Variants in SSBP2 observed in about 807,000 individuals in gnomAD.
SSBP2 encodes the protein single stranded DNA binding protein 2.
Under a neutral mutation model 61.8 loss-of-function variants are expected in SSBP2, and 17 were observed. That is an observed-to-expected ratio of 0.28 (90% CI 0.19 to 0.41). SSBP2 has a LOEUF of 0.41. Ranked by LOEUF, SSBP2 falls within the 10% of genes least tolerant of loss-of-function variation. The pLI, the probability that SSBP2 is intolerant of heterozygous loss-of-function variation, is 1.00. For missense variants in SSBP2, 310 were observed against 458.7 expected (o/e 0.68, Z 2.96); for synonymous variants, 139 against 141.3 (o/e 0.98, Z 0.12).
At chr5:81,555,896 C>T (rs1772556105) in intron 4 of SSBP2, among the ~76,000 whole-genome samples, 1 of 151,800 alleles carries the variant, frequency 6.6e-6, no homozygotes, top group Admixed American at 6.6e-5. Flanking sequence ...CTTTATTATT[C>T]TAGAAAAGAG....
chr5:81,474,237 T>C (rs138282046), intron 7 of SSBP2, among the ~76,000 whole-genome samples: 2,021 of 152,294 alleles, frequency 0.013, 33 homozygotes, highest in South Asian at 0.097. Flanking sequence ...TTAGATGTTA[T>C]ATAAAAGGTT....
intron 4 of SSBP2, among the ~76,000 whole-genome samples, chr5:81,536,773 G>C (rs1163530111): frequency 2.6e-5 from 4 of 152,060 alleles, no homozygotes; most frequent in Admixed American, 1.3e-4. Flanking sequence ...TAAAAATATT[G>C]TACTTTGGGA....
intron 4 of SSBP2, among the ~76,000 whole-genome samples, chr5:81,559,797 C>A (rs911421155): frequency 6.6e-6 from 1 of 151,748 alleles, no homozygotes; most frequent in Non-Finnish European, 1.5e-5. Context: ...AAGCAACTGT[C>A]AAAATCTTAA....
chr5:81,634,556 T>C (rs954414626), intron 3 of SSBP2, among the ~76,000 whole-genome samples: 1 of 152,182 alleles, frequency 6.6e-6, no homozygotes, highest in Non-Finnish European at 1.5e-5. Flanking sequence ...TTTTACAGAG[T>C]TTTACTCTTT....
chr5:81,598,478 C>T (rs1419373515), intron 4 of SSBP2, among the ~76,000 whole-genome samples: 1 of 152,148 alleles, frequency 6.6e-6, no homozygotes, highest in Non-Finnish European at 1.5e-5. Flanking sequence ...CCAAAGAACC[C>T]ATAAGCACAA....
chr5:81,698,394 C>T (rs1753734585), intron 1 of SSBP2, among the ~76,000 whole-genome samples: 1 of 151,882 alleles, frequency 6.6e-6, no homozygotes, highest in African/African-American at 2.4e-5. Context: ...CAATATAGCA[C>T]AAAACAAAAA....
intron 10 of SSBP2, among the ~76,000 whole-genome samples, chr5:81,457,882 G>C (rs992150530): frequency 6.6e-6 from 1 of 151,990 alleles, no homozygotes; most frequent in Non-Finnish European, 1.5e-5. Flanking sequence ...GGCTGGTCTT[G>C]AACTTCTGAC....
At chr5:81,615,253 G>C (rs1464375137) in intron 4 of SSBP2, 1 of 430,462 alleles carries the variant, frequency 2.3e-6, no homozygotes, top group Non-Finnish European at 4.1e-6. Context: ...TTCTTTAATA[G>C]CTTAGAATTA....
At chr5:81,551,046 A>T (rs1180581238) in intron 4 of SSBP2, among the ~76,000 whole-genome samples, 1 of 147,494 alleles carries the variant, frequency 6.8e-6, no homozygotes, top group Non-Finnish European at 1.5e-5. Flanking sequence ...CAGCGAGCGG[A>T]GATCACACCA....
At chr5:81,662,720 G>A (rs955453011) in intron 1 of SSBP2, among the ~76,000 whole-genome samples, 4 of 151,986 alleles carry the variant, frequency 2.6e-5, no homozygotes, top group Admixed American at 6.6e-5. Flanking sequence ...ACAATTGCTT[G>A]AACCCTGGAG....
chr5:81,687,974 A>G (rs913580205), intron 1 of SSBP2, among the ~76,000 whole-genome samples: 1 of 152,148 alleles, frequency 6.6e-6, no homozygotes, highest in Non-Finnish European at 1.5e-5. Context: ...TGAGAAAACG[A>G]GAAGGAAGAC....
At chr5:81,726,740 C>T (rs910710845) in intron 1 of SSBP2, among the ~76,000 whole-genome samples, 20 of 152,122 alleles carry the variant, frequency 1.3e-4, no homozygotes, top group African/African-American at 4.6e-4. Context: ...TCCAGGATAC[C>T]CACAACACTT....
intron 1 of SSBP2, among the ~76,000 whole-genome samples, chr5:81,707,513 G>A (rs1339514111): frequency 6.6e-6 from 1 of 152,128 alleles, no homozygotes; most frequent in East Asian, 1.9e-4. Flanking sequence ...ACCTGGAACA[G>A]ATCCTTCCCT....
chr5:81,671,942 A>C (rs2153790329), intron 1 of SSBP2, among the ~76,000 whole-genome samples: 1 of 152,266 alleles, frequency 6.6e-6, no homozygotes, highest in East Asian at 1.9e-4. Flanking sequence ...TGAAAGAATT[A>C]TCTACACTAT....
At chr5:81,445,425 T>C (rs994949906) in intron 12 of SSBP2, among the ~76,000 whole-genome samples, 2 of 151,868 alleles carry the variant, frequency 1.3e-5, no homozygotes, top group Admixed American at 6.6e-5. Context: ...AACTTTTTTT[T>C]AGTCTTGCAG....
chr5:81,573,693 A>G (rs1173120906), intron 4 of SSBP2, among the ~76,000 whole-genome samples: 1 of 152,238 alleles, frequency 6.6e-6, no homozygotes, highest in Non-Finnish European at 1.5e-5. Context: ...TATCTCTATT[A>G]TCATGCATAT....
At chr5:81,607,311 C>A (rs1408329982) in intron 4 of SSBP2, among the ~76,000 whole-genome samples, 3 of 152,090 alleles carry the variant, frequency 2.0e-5, no homozygotes, top group Non-Finnish European at 4.4e-5. Flanking sequence ...AAGAGTGGTA[C>A]AATGTTCCCG....
chr5:81,543,803 A>G (rs1404842076), intron 4 of SSBP2, among the ~76,000 whole-genome samples: 1 of 152,226 alleles, frequency 6.6e-6, no homozygotes, highest in Admixed American at 6.5e-5. Context: ...ATGTCATTTA[A>G]AACAAGACAT....
At chr5:81,443,385 T>C (rs1397314290) in intron 12 of SSBP2, 2 of 152,178 alleles carry the variant, frequency 1.3e-5, no homozygotes, top group Non-Finnish European at 2.9e-5. Flanking sequence ...TTAAAAAATT[T>C]ATATTTCATG....
Sources: gnomAD v4.1 joint callset for allele counts (sites outside exome capture counted in the v4.1 genomes callset) on GRCh38, gnomAD v4.1.1 for gene constraint, MANE v1.5 for transcripts, NCBI Gene and HGNC (gene_info 2026-07-23, HGNC 2026-07-21) for gene names.